The following ANK3 variants were observed in gnomAD, a reference collection of about 807,000 sequenced individuals.
The protein encoded by ANK3 is ankyrin 3, also known as ankyrin-3.
Under a neutral mutation model 370.9 loss-of-function variants are expected in ANK3, and 57 were observed. The ratio of observed to expected loss-of-function variants is 0.15; its 90% CI spans 0.12 to 0.19. The LOEUF is 0.19. ANK3 is among the 10% of genes least tolerant of loss of function. The pLI is 1.00. For synonymous variants in ANK3, 1,929 were observed against 1,946.3 expected, an observed-to-expected ratio of 0.99 and a Z score of 0.23; for missense variants, 4,439 against 5,302.1, an observed-to-expected ratio of 0.84 and a Z score of 5.06.
chr10:60,523,454 T>C, intron 2 of ANK3, among the ~76,000 whole-genome samples: 1 of 140,648 alleles, frequency 7.1e-6, no homozygotes, highest in African/African-American at 2.7e-5. Flanking sequence ...TGTGTTCTCA[T>C]TGTTCAATTC....
Position 60,080,520 on chromosome 10 carries a change from T to C in ANK3, c.4432+17A>G. 4 of 1,604,650 alleles carry C rather than the reference T, an allele frequency of 2.5e-6. No individual in the cohort carries two copies. Among genetic ancestry groups the C allele is most frequent in the Non-Finnish European group, 3.4e-6 (4 of 1,172,528 alleles). ...ATGAAAATCCACGTAGATTAGTAAA[T>C]GTGTTAGGAAACTCACTCATTCCAG... On this transcript the variant is annotated intron_variant, in intron 36 of 43. Transcript: ENST00000280772.
chr10:60,206,561 G>A (rs2096766092), intron 10 of ANK3, among the ~76,000 whole-genome samples: 1 of 151,062 alleles, frequency 6.6e-6, no homozygotes, highest in South Asian at 2.1e-4. Flanking sequence ...TGTCCTCACA[G>A]CTCCACTTCA....
chr10:60,619,696 G>A (rs2073723287), intron 1 of ANK3, among the ~76,000 whole-genome samples: 1 of 152,102 alleles, frequency 6.6e-6, no homozygotes, highest in South Asian at 2.1e-4. Context: ...TGAAACTGAT[G>A]AGCAAAGAAA....
At chr10:60,668,949 C>T (rs747930202) in intron 1 of ANK3, among the ~76,000 whole-genome samples, 3 of 151,866 alleles carry the variant, frequency 2.0e-5, no homozygotes, top group Non-Finnish European at 2.9e-5. Flanking sequence ...GCCAAGATCG[C>T]GCCACTGCAC....
At position 60,460,662 on chromosome 10, in the gene ANK3, C is replaced by T. The variant is rs143589359; in HGVS notation, c.96+154524G>A. Among the ~76,000 whole-genome samples the T allele has an allele frequency of 6.0e-3, 906 of 152,138 alleles. 12 individuals carry two copies. Among genetic ancestry groups the T allele is most frequent in the African/African-American group, 0.021 (872 of 41,502 alleles). On this transcript the variant is annotated intron_variant, in intron 2 of 43. Transcript: ENST00000373827. Reference sequence around the variant, plus strand: ...TTGAGGAGAAAGTGTCTTAGTTCTCCGGATTGTGAAAGTATTACCACCAAA... The same window carrying T: ...TTGAGGAGAAAGTGTCTTAGTTCTCTGGATTGTGAAAGTATTACCACCAAA...
chr10:60,611,848 C>T (rs781132384), intron 2 of ANK3, among the ~76,000 whole-genome samples: 4 of 150,330 alleles, frequency 2.7e-5, no homozygotes, highest in East Asian at 2.0e-4. Context: ...AATGTTGCCA[C>T]GGGAGTCATA....
Position 60,389,513 on chromosome 10 carries a change from T to C in ANK3, c.26A>G (p.Lys9Arg). The change falls in exon 1 of 44, where the codon AAG (lysine) becomes AGG (arginine). Residue 9 changes from lysine (K) to arginine (R), a missense_variant. By Grantham distance (26) the Lys-to-Arg change is conservative. Coordinates refer to ENST00000280772, the MANE Select transcript of ANK3 (RefSeq NM_020987.5). ...ATTGATTTCTAAATCCCTGTTTTTC[T>C]TTAATTGTGAGGCTGCATGAGCCAT... MAHAASQL[K>R]KNRDLEINAE... 2 of 1,614,036 alleles carry C rather than the reference T, an allele frequency of 1.2e-6. No homozygotes were observed. The highest frequency in any genetic ancestry group is 1.7e-6 in the Non-Finnish European group (2 of 1,179,958).
At chr10:60,502,301 T>C (rs2075821134) in intron 2 of ANK3, among the ~76,000 whole-genome samples, 1 of 152,086 alleles carries the variant, frequency 6.6e-6, no homozygotes, top group African/African-American at 2.4e-5. Flanking sequence ...AACAAACAGA[T>C]GCCAATAATA....
chr10:60,067,091 TGTATTTTTAGTAGAGACAGG>T (rs2081805581), intron 38 of ANK3, among the ~76,000 whole-genome samples: 1 of 152,162 alleles, frequency 6.6e-6, no homozygotes, highest in Non-Finnish European at 1.5e-5. Context: ...GGCTAATTTT[TGTATTTTTAGTAGAGACAGG>T]GTTTCACCAT....
At chr10:60,123,462 C>T (rs1265886441) in intron 25 of ANK3, among the ~76,000 whole-genome samples, 4 of 152,062 alleles carry the variant, frequency 2.6e-5, no homozygotes, top group African/African-American at 9.7e-5. Context: ...AATAATTGTC[C>T]AGGCAGGGAA....
At chr10:60,109,243 A>C (rs1457220033) in intron 26 of ANK3, among the ~76,000 whole-genome samples, 189 bp from the exon 27 acceptor site, 1 of 152,198 alleles carries the variant, frequency 6.6e-6, no homozygotes, top group African/African-American at 2.4e-5. Context: ...ACTTTGCAAA[A>C]ACTGAAACAC....
rs1322968438 is a variant in ANK3, at chr10:60,074,248, A to G, written c.6633T>C (p.Ser2211=). 6.2e-7 allele frequency: 1 copy of G among 1,614,052 alleles called. No homozygotes were observed. The highest frequency in any genetic ancestry group is 1.1e-5 in the South Asian group (1 of 91,080). Residue 2211 remains serine, a synonymous_variant, in exon 37 of 44, where the codon AGT becomes AGC. Coordinates refer to ENST00000280772, the MANE Select transcript of ANK3 (RefSeq NM_020987.5). ...GAAATGCTTTAACCTTTTCTTTAAT[A>G]CTAGAGGTGGTGGGCTTTGGTTCCA... ...MELEPKPTTS[S]IKEKVKAFQM...
chr10:60,225,717 C>G (rs570821948), intron 8 of ANK3, among the ~76,000 whole-genome samples: 2 of 152,186 alleles, frequency 1.3e-5, no homozygotes, highest in South Asian at 2.1e-4. Context: ...TGTGTCCTCT[C>G]TACTTGGAAA....
chr10:60,697,959 G>A (rs974891468), intron 1 of ANK3, among the ~76,000 whole-genome samples: 2 of 151,946 alleles, frequency 1.3e-5, no homozygotes, highest in African/African-American at 2.4e-5. Context: ...CCATCAGAGT[G>A]AACAGGCAGC....
intron 2 of ANK3, among the ~76,000 whole-genome samples, chr10:60,528,453 A>G (rs1293566650): frequency 6.6e-6 from 1 of 152,004 alleles, no homozygotes; most frequent in Non-Finnish European, 1.5e-5. Flanking sequence ...TGAATTTTAA[A>G]ATGTAAATAA....
At chr10:60,099,790 T>C (rs2090850474) in intron 28 of ANK3, among the ~76,000 whole-genome samples, 1 of 152,044 alleles carries the variant, frequency 6.6e-6, no homozygotes, top group Non-Finnish European at 1.5e-5. Flanking sequence ...GAGCAGCAAA[T>C]ACAGAACACA....
chr10:60,665,769 G>A lies in ANK3; in HGVS notation c.58-50545C>T, dbSNP rs16915328. On this transcript the variant is annotated intron_variant, in intron 1 of 43. Coordinates refer to the ANK3 transcript ENST00000373827. ...AATAAAATAGCAGTTCTCAACCACCGTGTAATAACATAGTCATGTACTTGA... is the reference window on the plus strand; with the variant it reads ...AATAAAATAGCAGTTCTCAACCACCATGTAATAACATAGTCATGTACTTGA... 5.8e-3 allele frequency among the ~76,000 whole-genome samples: 884 copies of A among 152,176 alleles called. 9 individuals carry two copies. Among genetic ancestry groups the A allele is most frequent in the African/African-American group, 0.02 (828 of 41,510 alleles).
chr10:60,574,531 A>AAT (rs2077659029), intron 2 of ANK3, among the ~76,000 whole-genome samples: 1 of 152,164 alleles, frequency 6.6e-6, no homozygotes, highest in Admixed American at 6.5e-5. Flanking sequence ...CTTGTCATGC[A>AAT]ATATAAAAGG....
At chr10:60,140,256 G>T in intron 23 of ANK3, 1 of 1,312,348 alleles carries the variant, frequency 7.6e-7, no homozygotes, top group East Asian at 2.3e-5. Flanking sequence ...AGTACCAAGA[G>T]ATTATTTTAA....
Sources: gnomAD v4.1 joint callset for allele counts (sites outside exome capture counted in the v4.1 genomes callset) on GRCh38, gnomAD v4.1.1 for gene constraint, MANE v1.5 for transcripts, NCBI Gene and HGNC (gene_info 2026-07-23, HGNC 2026-07-21) for gene names.